Variants in PCSK7 observed in about 807,000 individuals in gnomAD.
PCSK7 encodes lymphoma proprotein convertase.
PCSK7 carries 38 observed loss-of-function variants against 73.3 expected under a neutral mutation model. The observed-to-expected ratio is 0.52, with a 90% CI of 0.40 to 0.68. The LOEUF is 0.68. Among genes scored for constraint, PCSK7 ranks in the 30% least tolerant of loss-of-function variants. The pLI is 0.00. For missense variants in PCSK7, 692 were observed against 991.5 expected (o/e 0.70, Z 4.06); for synonymous variants, 296 against 383.8 (o/e 0.77, Z 2.68).
chr11:117,212,043 T>TGAATTC (rs1197612874), intron 12 of PCSK7: 1 of 152,242 alleles, frequency 6.6e-6, no homozygotes, highest in Non-Finnish European at 1.5e-5. Context: ...TCACGATGGC[T>TGAATTC]ACTTCTTACC....
intron 1 of PCSK7, among the ~76,000 whole-genome samples, chr11:117,230,816 G>A (rs568577814): frequency 6.6e-6 from 1 of 152,184 alleles, no homozygotes; most frequent in African/African-American, 2.4e-5. Flanking sequence ...GGATACCAGG[G>A]AAAGTGAAAG....
In PCSK7 at chr11:117,218,435, A is replaced by C. The variant is rs759759616; in HGVS notation, c.1534+31T>G. The C allele has an allele frequency of 4.7e-6, 6 of 1,276,502 alleles. No homozygotes were observed. The East Asian group carries it at 1.3e-4, about 27-fold the overall frequency. The allele number at this position is 1,276,502 out of a possible 1,614,324, so 79.1% of individuals were successfully genotyped here. On this transcript the variant is annotated intron_variant, in intron 12 of 16. Transcript: ENST00000320934. This position sits in a 1 kb window ranked among gnomAD's most constrained non-coding sequence, Gnocchi z 4.0. ...TCACCCGGCCCCAAACCTCAGGCCT[A>C]AGATTAACCCCCTTTGTGCTGATTA... is the stretch of plus-strand genomic sequence containing the variant.
intron 1 of PCSK7, chr11:117,231,647 C>T (rs1160724326): frequency 6.6e-6 from 1 of 152,230 alleles, no homozygotes; most frequent in East Asian, 1.9e-4. Flanking sequence ...AGGTCTCAAC[C>T]TCTCCCAACG....
chr11:117,225,734 T>C, intron 6 of PCSK7, 197 bp downstream of exon 6: 1 of 610,926 alleles, frequency 1.6e-6, no homozygotes, highest in Non-Finnish European at 2.9e-6. Context: ...GGCAATCTGA[T>C]TACGGGGGTG....
At chr11:117,215,380 G>GTGTGTGTGTGTGTATATATATATA (rs1164738557) in intron 12 of PCSK7, 1 of 55,900 alleles carries the variant, frequency 1.8e-5, no homozygotes, top group African/African-American at 1.2e-4. Context: ...GTGTGTGTGT[G>GTGTGTGTGTGTGTATATATATATA]TATATATATA....
At chr11:117,221,378 T>C (rs535921799) in intron 9 of PCSK7, 1 of 152,370 alleles carries the variant, frequency 6.6e-6, no homozygotes, top group South Asian at 2.1e-4. Context: ...CTTGCAGTGA[T>C]AGTCTGAAGT....
rs2031298058 is a variant in PCSK7 at position 117,205,238 on chromosome 11, G to A, written c.*759C>T. Reference sequence around the variant, plus strand: ...GAGAAGAGTCACAGCCTGTCAGGCAGATAGCTGGCCTCCGGCGGGAAGGCC... The same window carrying A: ...GAGAAGAGTCACAGCCTGTCAGGCAAATAGCTGGCCTCCGGCGGGAAGGCC... On this transcript the variant is annotated 3_prime_UTR_variant, in exon 17 of 17. Coordinates refer to ENST00000320934, the MANE Select transcript of PCSK7 (RefSeq NM_004716.4). 4.3e-6 allele frequency: 1 copy of A among 233,664 alleles called. No homozygotes were observed. The highest frequency in any genetic ancestry group is 2.2e-5 in the African/African-American group (1 of 45,368). 14.5% of individuals were successfully genotyped at this position (233,664 alleles called of 1,614,324 possible).
In PCSK7 at chr11:117,218,263, A is replaced by G; in HGVS notation, c.1534+203T>C. 1 of 215,960 alleles carries G rather than the reference A, an allele frequency of 4.6e-6. No homozygotes were observed. Among genetic ancestry groups the G allele is most frequent in the Non-Finnish European group, 9.3e-6 (1 of 107,462 alleles). The allele number at this position is 215,960 out of a possible 1,614,324, so 13.4% of individuals were successfully genotyped here. On this transcript the variant is annotated intron_variant, in intron 12 of 16. Transcript: ENST00000320934. This position sits in a 1 kb window ranked among gnomAD's most constrained non-coding sequence, Gnocchi z 4.0. ...TCCTTTTCACTACTAGGAACCCAGG[A>G]GAAAGGTCTTGTTTAAGCAGCTGGG...
chr11:117,218,209 C>A lies in PCSK7; in HGVS notation c.1534+257G>T. The stretch of plus-strand genomic sequence containing the variant: ...CCAAGCCCCAGTCCCATGCCTCCCA[C>A]CCGCCCTCCTCCTCAGTTGCTCTGC... On this transcript the variant is annotated intron_variant, in intron 12 of 16. Transcript: ENST00000320934. This position sits in a 1 kb window ranked among gnomAD's most constrained non-coding sequence, Gnocchi z 4.0. 1 of 198,630 alleles carries A rather than the reference C, an allele frequency of 5.0e-6. No homozygotes were observed. Among genetic ancestry groups the A allele is most frequent in the Non-Finnish European group, 1.0e-5 (1 of 97,288 alleles). 12.3% of individuals were successfully genotyped at this position (198,630 alleles called of 1,614,324 possible).
At chr11:117,213,937 TTTC>T (rs2031839247) in intron 12 of PCSK7, 1 of 109,466 alleles carries the variant, frequency 9.1e-6, no homozygotes, top group African/African-American at 3.4e-5. Flanking sequence ...CCATAATCTT[TTTC>T]TTTTCTTTTC....
In PCSK7 at chr11:117,218,444, C is replaced by A. The variant is rs1419473635; in HGVS notation, c.1534+22G>T. ...CCCAAACCTCAGGCCTAAGATTAAC[C>A]CCCTTTGTGCTGATTACTTACCATT... On this transcript the variant is annotated intron_variant, in intron 12 of 16. Transcript: ENST00000320934. This position sits in a 1 kb window ranked among gnomAD's most constrained non-coding sequence, Gnocchi z 4.0. The A allele has an allele frequency of 2.2e-6, 3 of 1,364,402 alleles. No homozygotes were observed. The highest frequency in any genetic ancestry group is 3.0e-6 in the Non-Finnish European group (3 of 986,538). The allele number at this position is 1,364,402 out of a possible 1,614,324, so 84.5% of individuals were successfully genotyped here.
rs2031362816 is a variant in PCSK7 at position 117,206,164 on chromosome 11, G to T, written c.2191C>A (p.Pro731Thr). ...ESVPLCSSKD[P>T]DEVETESRGP... ...CTGCTCTCTGTTTCCACTTCGTCTG[G>T]ATCCTTGCTGCTGCAAAGTGGCACT... The change falls in exon 17 of 17, where the codon CCA becomes ACA. Residue 731 changes from proline (P) to threonine (T), a missense_variant. Physicochemically the swap from Pro to Thr is conservative, Grantham distance 38. Coordinates refer to ENST00000320934, the MANE Select transcript of PCSK7 (RefSeq NM_004716.4). 6.2e-7 allele frequency: 1 copy of T among 1,612,892 alleles called. No individual in the cohort carries two copies. Among genetic ancestry groups the T allele is most frequent in the Non-Finnish European group, 8.5e-7 (1 of 1,179,246 alleles).
At chr11:117,226,100 T>A in intron 5 of PCSK7, 79 bp from the exon 6 acceptor site, 1 of 820,114 alleles carries the variant, frequency 1.2e-6, no homozygotes, top group Non-Finnish European at 2.2e-6. Flanking sequence ...GAGCCATATG[T>A]GGGAGACTTA....
At chr11:117,230,839 G>A (rs541923502) in intron 1 of PCSK7, among the ~76,000 whole-genome samples, 7 of 152,128 alleles carry the variant, frequency 4.6e-5, no homozygotes, top group South Asian at 2.1e-4. Flanking sequence ...GGGAGGCGGC[G>A]GGGGCGAAAC....
At chr11:117,219,525 G>A in intron 10 of PCSK7, 66 bp downstream of exon 10, 3 of 1,455,474 alleles carry the variant, frequency 2.1e-6, no homozygotes. Flanking sequence ...AGAATCTAAG[G>A]CCACCTGATA....
intron 1 of PCSK7, among the ~76,000 whole-genome samples, chr11:117,230,903 C>T (rs2032629729): frequency 6.6e-6 from 1 of 152,050 alleles, no homozygotes; most frequent in Non-Finnish European, 1.5e-5. Flanking sequence ...GACAAGCGGG[C>T]AACCAGGAGA....
At position 117,218,240 on chromosome 11, in the gene PCSK7, CT is replaced by C; in HGVS notation, c.1534+225del. 1 of 262,220 alleles carries C rather than the reference CT, an allele frequency of 3.8e-6. No individual in the cohort carries two copies. 16.2% of individuals were successfully genotyped at this position (262,220 alleles called of 1,614,324 possible). A position where few individuals can be genotyped will look rare whatever the true frequency, so the allele number is the denominator to read the frequency against. On this transcript the variant is annotated intron_variant, in intron 12 of 16. Transcript: ENST00000320934. The surrounding 1 kb of genome is among the most constrained non-coding windows in gnomAD (Gnocchi z 4.0). ...CTCCTCCTCAGTTGCTCTGCTGCTC[CT>C]TTTCACTACTAGGAACCCAGGAGAA...
chr11:117,221,053 G>A (rs1028759391), intron 9 of PCSK7: 4 of 152,290 alleles, frequency 2.6e-5, no homozygotes, highest in African/African-American at 4.8e-5. Context: ...GCCTAAATCT[G>A]CTCCACTCTA....
intron 4 of PCSK7, among the ~76,000 whole-genome samples, chr11:117,227,909 C>A (rs1419691687): frequency 6.6e-6 from 1 of 152,182 alleles, no homozygotes; most frequent in African/African-American, 2.4e-5. Context: ...GCAGGTAGGG[C>A]TCCCTAGAGG....
Sources: allele counts gnomAD v4.1 joint callset (sites outside exome capture counted in the v4.1 genomes callset), GRCh38; gene constraint gnomAD v4.1.1; non-coding constraint Gnocchi (gnomAD v3.1); transcripts MANE v1.5; gene names NCBI Gene and HGNC (gene_info 2026-07-23, HGNC 2026-07-21).